The following CRAMP1 variants were observed in gnomAD, a reference collection of about 807,000 sequenced individuals.
The protein encoded by CRAMP1 is cramped chromatin regulator 1, also known as protein cramped-like.
CRAMP1 carries 50 observed loss-of-function variants against 115.4 expected under a neutral mutation model. The observed-to-expected ratio is 0.43, with a 90% CI of 0.35 to 0.55. The LOEUF (loss-of-function observed/expected upper bound fraction) is 0.55. Among genes scored for constraint, CRAMP1 ranks in the 20% least tolerant of loss-of-function variants. The pLI, the probability that CRAMP1 is intolerant of heterozygous loss-of-function variation, is 0.01. For synonymous variants in CRAMP1, 866 were observed against 745.4 expected, an observed-to-expected ratio of 1.16 and a Z score of -2.64; for missense variants, 1,679 against 1,721.7, an observed-to-expected ratio of 0.98 and a Z score of 0.44.
In CRAMP1 at chr16:1,677,450, A is replaced by C. The variant is rs937321227; in HGVS notation, c.*3405A>C. 5 of 152,294 alleles carry C rather than the reference A, an allele frequency of 3.3e-5. No homozygotes were observed. Among genetic ancestry groups the C allele is most frequent in the Admixed American group, 2.0e-4 (3 of 15,284 alleles). 9.4% of individuals were successfully genotyped at this position (152,294 alleles called of 1,614,324 possible). ...AAGAGCGAAACTGGGTCTCAAGTTA[A>C]AAAAAGAAAGCAAGGAAAGAGTAAT... On this transcript the variant is annotated 3_prime_UTR_variant, in exon 21 of 21. Transcript: ENST00000397412.
At chr16:1,618,976 T>G (rs1414823011) in intron 2 of CRAMP1, among the ~76,000 whole-genome samples, 4 of 152,228 alleles carry the variant, frequency 2.6e-5, no homozygotes, top group African/African-American at 7.2e-5. Flanking sequence ...TAAAACTAGT[T>G]TCTGTGGTGT....
chr16:1,616,878 G>A (rs900730253), intron 2 of CRAMP1, among the ~76,000 whole-genome samples: 1 of 150,564 alleles, frequency 6.6e-6, no homozygotes, highest in Non-Finnish European at 1.5e-5. Context: ...GCAGTGGTGC[G>A]ATCTCAGCTC....
In CRAMP1 at chr16:1,656,778, G is replaced by A. The variant is rs757340231; in HGVS notation, c.2021G>A (p.Arg674His). Residue 674 changes from arginine (R) to histidine (H), a missense_variant, in exon 10 of 21, where the codon CGT (arginine) becomes CAT (histidine). By Grantham distance (29) the Arg-to-His change is conservative (BLOSUM62 0). This residue lies in a region of CRAMP1 where 405 missense variants were observed against 302.6 expected (regional missense o/e 1.34). Coordinates refer to ENST00000397412, the MANE Select transcript of CRAMP1 (RefSeq NM_020825.4). This position sits in a 1 kb window ranked among gnomAD's most constrained non-coding sequence, Gnocchi z 5.6. ...VPASRLAQQL[R>H]EEGWNLQTSE... ...GCCAGCCGGCTGGCTCAGCAGCTCC[G>A]TGAGGAGGGCTGGAACCTGCAGACC... The A allele has an allele frequency of 9.0e-6, 14 of 1,547,722 alleles. No individual in the cohort carries two copies. Among genetic ancestry groups the A allele is most frequent in the Admixed American group, 5.9e-5 (3 of 50,892 alleles).
intron 3 of CRAMP1, among the ~76,000 whole-genome samples, chr16:1,631,321 C>T (rs2036546811): frequency 1.3e-5 from 2 of 152,208 alleles, no homozygotes; most frequent in Admixed American, 6.5e-5. Context: ...CCCATTTGGC[C>T]ACTGGGGAGC....
intron 4 of CRAMP1, among the ~76,000 whole-genome samples, chr16:1,634,244 GA>G (rs1018196307): frequency 3.9e-5 from 6 of 152,304 alleles, no homozygotes; most frequent in African/African-American, 1.4e-4. Context: ...AGCGTCTTTG[GA>G]CCCTCAGGCT....
chr16:1,671,366 C>G lies in CRAMP1; in HGVS notation c.3645+557C>G, dbSNP rs924880068. On this transcript the variant is annotated intron_variant, in intron 20 of 20. Coordinates refer to ENST00000397412, the MANE Select transcript of CRAMP1 (RefSeq NM_020825.4). This position sits in a 1 kb window ranked among gnomAD's most constrained non-coding sequence, Gnocchi z 5.0. ...CTGGGGCAGGTTCTTGAGGGGAAGG[C>G]GAAACGTGGTTTGTGACTCTCCACT... 6.6e-6 allele frequency among the ~76,000 whole-genome samples: 1 copy of G among 152,144 alleles called. No individual in the cohort carries two copies. The highest frequency in any genetic ancestry group is 1.5e-5 in the Non-Finnish European group (1 of 68,020).
chr16:1,639,262 G>A (rs1019358246), intron 5 of CRAMP1, among the ~76,000 whole-genome samples: 1 of 152,048 alleles, frequency 6.6e-6, no homozygotes, highest in Non-Finnish European at 1.5e-5. Flanking sequence ...TGTACAAAAT[G>A]CACAAACAAA....
chr16:1,657,458 T>C (rs2036786060), intron 10 of CRAMP1, among the ~76,000 whole-genome samples: 1 of 152,234 alleles, frequency 6.6e-6, no homozygotes, highest in Admixed American at 6.5e-5. Flanking sequence ...GGAGCCGAGC[T>C]AGCCTTCTGG....
At position 1,674,268 on chromosome 16, in the gene CRAMP1, A is replaced by T; in HGVS notation, c.*223A>T. 3.5e-6 allele frequency: 2 copies of T among 575,678 alleles called. No homozygotes were observed. The highest frequency in any genetic ancestry group is 3.1e-5 in the Admixed American group (1 of 32,410). 35.7% of individuals were successfully genotyped at this position (575,678 alleles called of 1,614,324 possible). Reference sequence around the variant, plus strand: ...GGCCAGCGTTAGAAATCACTGTGGTACTAGAGCCGTTCTTCACCACGCCTG... The same window carrying T: ...GGCCAGCGTTAGAAATCACTGTGGTTCTAGAGCCGTTCTTCACCACGCCTG... On this transcript the variant is annotated 3_prime_UTR_variant, in exon 21 of 21. Transcript: ENST00000397412.
In CRAMP1 at chr16:1,614,416, C is replaced by T. The variant is rs1371156770; in HGVS notation, c.-1-223C>T. ...ACGCGAGCCTCGGCCAGGGGGCGTC[C>T]GGGGAGGCCCGGGAGGGTCCCGGGC... On this transcript the variant is annotated intron_variant, in intron 1 of 20. Transcript: ENST00000397412. The surrounding 1 kb of genome is among the most constrained non-coding windows in gnomAD (Gnocchi z 4.4). Among the ~76,000 whole-genome samples, 3 of 127,178 alleles carry T rather than the reference C, an allele frequency of 2.4e-5. No individual in the cohort carries two copies. The highest frequency in any genetic ancestry group is 2.7e-4 in the South Asian group (1 of 3,692). 83.4% of individuals were successfully genotyped at this position (127,178 alleles called of 152,430 possible).
intron 4 of CRAMP1, among the ~76,000 whole-genome samples, chr16:1,635,490 C>T (rs1438427999): frequency 2.0e-5 from 3 of 152,188 alleles, no homozygotes; most frequent in Non-Finnish European, 2.9e-5. Context: ...ACATGAGGTG[C>T]CACCTAGGAG....
intron 3 of CRAMP1, among the ~76,000 whole-genome samples, chr16:1,631,917 C>T (rs2036550653): frequency 6.6e-6 from 1 of 152,208 alleles, no homozygotes; most frequent in Admixed American, 6.5e-5. Context: ...GCAATTAAGG[C>T]ATTTGTCCAA....
chr16:1,639,964 C>G (rs1271177013), intron 5 of CRAMP1, among the ~76,000 whole-genome samples: 3 of 152,208 alleles, frequency 2.0e-5, no homozygotes, highest in Admixed American at 2.0e-4. Flanking sequence ...GAGGGGCACA[C>G]TGCTCCCAGG....
rs2036958773 is a variant in CRAMP1, at chr16:1,675,355, T to G, written c.*1310T>G. Reference sequence around the variant, plus strand: ...ACAGAGGTGTTGGGCAGGCCATGCCTGTGCCGCCATCTCTCCCTTCCTGCC... The same window carrying G: ...ACAGAGGTGTTGGGCAGGCCATGCCGGTGCCGCCATCTCTCCCTTCCTGCC... On this transcript the variant is annotated 3_prime_UTR_variant, in exon 21 of 21. Coordinates refer to ENST00000397412, the MANE Select transcript of CRAMP1 (RefSeq NM_020825.4). The G allele has an allele frequency of 6.6e-6, 1 of 152,478 alleles. No homozygotes were observed. Among genetic ancestry groups the G allele is most frequent in the African/African-American group, 2.4e-5 (1 of 41,462 alleles). 9.4% of individuals were successfully genotyped at this position (152,478 alleles called of 1,614,324 possible). A position where few individuals can be genotyped will look rare whatever the true frequency, so the allele number is the denominator to read the frequency against.
chr16:1,624,982 C>T (rs1300815237), intron 2 of CRAMP1, among the ~76,000 whole-genome samples: 2 of 152,200 alleles, frequency 1.3e-5, no homozygotes, highest in African/African-American at 4.8e-5. Context: ...CCGCCTCAGC[C>T]TCCCAAAGTG....
Position 1,652,577 on chromosome 16 carries a change from A to G in CRAMP1, c.909A>G (p.Pro303=), listed in dbSNP as rs766003025. The G allele has an allele frequency of 6.4e-7, 1 of 1,552,578 alleles. No homozygotes were observed. The highest frequency in any genetic ancestry group is 8.7e-7 in the Non-Finnish European group (1 of 1,147,384). Residue 303 remains proline (P), a synonymous_variant, in exon 7 of 21, where the codon CCA becomes CCG. Coordinates refer to ENST00000397412, the MANE Select transcript of CRAMP1 (RefSeq NM_020825.4). The part of the protein sequence containing the change: ...MCRALKKLCD[P]DGLSDEEDQK... ...GGGCCCTGAAGAAGCTGTGCGATCCAGATGGTAAGTGAATGGGGCGCTCCC... is the reference window on the plus strand; with the variant it reads ...GGGCCCTGAAGAAGCTGTGCGATCCGGATGGTAAGTGAATGGGGCGCTCCC...
At chr16:1,642,985 C>G (rs1402289255) in intron 6 of CRAMP1, among the ~76,000 whole-genome samples, 1 of 152,176 alleles carries the variant, frequency 6.6e-6, no homozygotes, top group Non-Finnish European at 1.5e-5. Flanking sequence ...TCTGACCACA[C>G]GGGCACAGGG....
At chr16:1,654,459 G>A (rs772699751) in intron 8 of CRAMP1, among the ~76,000 whole-genome samples, 2 of 152,216 alleles carry the variant, frequency 1.3e-5, no homozygotes, top group Non-Finnish European at 2.9e-5. Flanking sequence ...TGATCTGCCT[G>A]CTTCGGCCTC....
chr16:1,662,011 AAAGT>A (rs1349383078), intron 11 of CRAMP1, among the ~76,000 whole-genome samples: 9 of 152,350 alleles, frequency 5.9e-5, no homozygotes, highest in South Asian at 4.1e-4. Flanking sequence ...GTTTATAAAT[AAAGT>A]TTTATTGGCA....
Sources: gnomAD v4.1 joint callset for allele counts (sites outside exome capture counted in the v4.1 genomes callset) on GRCh38, gnomAD v4.1.1 for gene constraint, gnomAD v4.1.1 regional missense constraint, Gnocchi (gnomAD v3.1) non-coding constraint, MANE v1.5 for transcripts, NCBI Gene and HGNC (gene_info 2026-07-23, HGNC 2026-07-21) for gene names.